Variants in KXD1 observed in about 807,000 individuals in gnomAD.
KXD1 encodes KxDL motif containing 1.
A neutral mutation model predicts 12.1 loss-of-function variants in KXD1; 5 were observed. That is an observed-to-expected ratio of 0.41 (90% CI 0.22 to 0.87). KXD1 has a LOEUF of 0.87. KXD1 is among the 40% of genes least tolerant of loss of function. KXD1 has a pLI of 0.31. For missense variants in KXD1, 193 were observed against 244.9 expected (o/e 0.79, Z 1.41); for synonymous variants, 98 against 100.5 (o/e 0.98, Z 0.15).
At chr19:18,563,015 G>A (rs1385327432) in intron 2 of KXD1, among the ~76,000 whole-genome samples, 1 of 152,236 alleles carries the variant, frequency 6.6e-6, no homozygotes, top group Non-Finnish European at 1.5e-5. Flanking sequence ...ACACAAATTC[G>A]TAAACTTTCT....
At chr19:18,568,265 C>CAAAA (rs397859705) in intron 4 of KXD1, 137 bp from the exon 5 acceptor site, 4 of 498,602 alleles carry the variant, frequency 8.0e-6, no homozygotes, top group East Asian at 3.2e-5. Flanking sequence ...AACTCCGTCT[C>CAAAA]AAAAAAAAAA....
chr19:18,568,642 C>T lies in KXD1; in HGVS notation c.*11C>T, dbSNP rs578141575. 4.0e-5 allele frequency: 64 copies of T among 1,599,620 alleles called. No individual in the cohort carries two copies. The highest frequency in any genetic ancestry group is 4.0e-4 in the South Asian group (36 of 90,774). Reference sequence around the variant, plus strand: ...ATGACGGGCGAATAGCCCTGCTGCCCGGTGCCTTGAGGGGGTCTCAGGGCA... The same window carrying T: ...ATGACGGGCGAATAGCCCTGCTGCCTGGTGCCTTGAGGGGGTCTCAGGGCA... On this transcript the variant is annotated 3_prime_UTR_variant, in exon 5 of 5. Transcript: ENST00000222307.
intron 4 of KXD1, 42 bp from the exon 5 acceptor site, chr19:18,568,360 T>A: frequency 6.8e-7 from 1 of 1,467,698 alleles, no homozygotes; most frequent in Non-Finnish European, 9.5e-7. Flanking sequence ...TCACAGAGCT[T>A]GGCAAGGTGA....
rs572485743 is a variant in KXD1 at position 18,561,065 on chromosome 19, T to G, written c.-21-971T>G. ...ACAGGCAAACGGGTTAGCTGATAACTAGGATAATTTCATGAAGAGGTGAAC... is the reference window on the plus strand; with the variant it reads ...ACAGGCAAACGGGTTAGCTGATAACGAGGATAATTTCATGAAGAGGTGAAC... On this transcript the variant is annotated intron_variant, in intron 1 of 4. Coordinates refer to ENST00000222307, the MANE Select transcript of KXD1 (RefSeq NM_024069.4). Among the ~76,000 whole-genome samples, 6 of 151,942 alleles carry G rather than the reference T, an allele frequency of 3.9e-5. No individual in the cohort carries two copies. The East Asian group carries it at 1.2e-3, about 30-fold the overall frequency.
At chr19:18,563,657 C>G (rs1312104629) in intron 2 of KXD1, among the ~76,000 whole-genome samples, 1 of 152,134 alleles carries the variant, frequency 6.6e-6, no homozygotes, top group Non-Finnish European at 1.5e-5. Context: ...GTGTGCGCCA[C>G]CACGGCCAGC....
intron 2 of KXD1, 90 bp downstream of exon 2, chr19:18,562,247 C>A: frequency 1.1e-6 from 1 of 935,476 alleles, no homozygotes; most frequent in South Asian, 1.6e-5. Context: ...GGGGCCCACA[C>A]TGGTGATAAA....
At position 18,568,577 on chromosome 19, in the gene KXD1, C is replaced by A. The variant is rs371136337; in HGVS notation, c.477C>A (p.Ser159=). The part of the protein sequence containing the change: ...FEDLSHVQPG[S]PAINGRSQTD... Reference sequence around the variant, plus strand: ...ACCTGTCCCATGTCCAGCCTGGCTCCCCAGCCATCAACGGCCGCAGCCAGA... The same window carrying A: ...ACCTGTCCCATGTCCAGCCTGGCTCACCAGCCATCAACGGCCGCAGCCAGA... Residue 159 remains serine, a synonymous_variant, in exon 5 of 5, where the codon TCC becomes TCA. Coordinates refer to ENST00000222307, the MANE Select transcript of KXD1 (RefSeq NM_024069.4). 9.3e-6 allele frequency: 15 copies of A among 1,613,268 alleles called. No homozygotes were observed. Among genetic ancestry groups the A allele is most frequent in the Non-Finnish European group, 1.3e-5 (15 of 1,179,952 alleles).
intron 1 of KXD1, chr19:18,559,279 G>A (rs1410867318): frequency 3.3e-5 from 5 of 152,038 alleles, no homozygotes; most frequent in East Asian, 3.9e-4. Flanking sequence ...ATGAGCACCC[G>A]GTCCAGGTAT....
At chr19:18,562,274 A>C in intron 2 of KXD1, 117 bp downstream of exon 2, 4 of 715,646 alleles carry the variant, frequency 5.6e-6, no homozygotes, top group Non-Finnish European at 9.1e-6. Context: ...GAAATGAGCA[A>C]ATCTGTCGCT....
rs537003082 is a variant in KXD1 at position 18,563,660 on chromosome 19, C to T, written c.102-1209C>T. ...CTGGGACTACAGGTGTGCGCCACCACGGCCAGCTAATTTTTGTATTTTTAG... is the reference window on the plus strand; with the variant it reads ...CTGGGACTACAGGTGTGCGCCACCATGGCCAGCTAATTTTTGTATTTTTAG... On this transcript the variant is annotated intron_variant, in intron 2 of 4. Coordinates refer to ENST00000222307, the MANE Select transcript of KXD1 (RefSeq NM_024069.4). Among the ~76,000 whole-genome samples, 79 of 152,052 alleles carry T rather than the reference C, an allele frequency of 5.2e-4. 4 individuals carry two copies. The South Asian group carries it at 0.015, about 30-fold the overall frequency.
Position 18,568,452 on chromosome 19 carries a change from C to T in KXD1, c.352C>T (p.Pro118Ser). The T allele has an allele frequency of 6.2e-7, 1 of 1,614,068 alleles. No individual in the cohort carries two copies. The change falls in exon 5 of 5, where the codon CCC becomes TCC. Residue 118 changes from proline to serine, a missense_variant. Pro to Ser is a moderately conservative substitution (Grantham distance 74). Coordinates refer to ENST00000222307, the MANE Select transcript of KXD1 (RefSeq NM_024069.4). Reference sequence around the variant, plus strand: ...GGAAGAGGATGAAGACCCCATCCCACCCAGCACCACGACCACCATTGCCAC... The same window carrying T: ...GGAAGAGGATGAAGACCCCATCCCATCCAGCACCACGACCACCATTGCCAC... The part of the protein sequence containing the change: ...LEEEDEDPIP[P>S]STTTTIATSE...
intron 2 of KXD1, among the ~76,000 whole-genome samples, chr19:18,562,708 C>T (rs570999011): frequency 1.3e-5 from 2 of 152,226 alleles, no homozygotes; most frequent in African/African-American, 2.4e-5. Context: ...GTGATCCACC[C>T]GCCTCGGCCT....
intron 2 of KXD1, among the ~76,000 whole-genome samples, chr19:18,563,378 A>C (rs1600572212): frequency 5.3e-5 from 7 of 133,072 alleles, no homozygotes; most frequent in South Asian, 2.3e-4. Flanking sequence ...ACAGAGTCTC[A>C]CTCTGTCGCC....
chr19:18,558,200 G>C (rs1976996869), intron 1 of KXD1: 1 of 152,412 alleles, frequency 6.6e-6, no homozygotes, highest in African/African-American at 2.4e-5. Flanking sequence ...GCGTTGCCCG[G>C]TTTGTGCCTC....
intron 1 of KXD1, chr19:18,558,225 G>A (rs1976997149): frequency 6.6e-6 from 1 of 152,366 alleles, no homozygotes; most frequent in African/African-American, 2.4e-5. Context: ...TCCCTGTATT[G>A]TAGGGGACGG....
chr19:18,562,195 T>C, intron 2 of KXD1, 38 bp downstream of exon 2: 1 of 1,485,134 alleles, frequency 6.7e-7, no homozygotes, highest in Non-Finnish European at 9.2e-7. Flanking sequence ...TGGGAAGGAA[T>C]CCACAGGCTG....
intron 1 of KXD1, 51 bp from the exon 2 acceptor site, chr19:18,561,985 C>T (rs1974936389): frequency 3.9e-6 from 5 of 1,272,078 alleles, no homozygotes; most frequent in South Asian, 1.4e-5. Context: ...GCCTCTTGGT[C>T]CCACCTCACC....
rs562161688 is a variant in KXD1 at position 18,567,690 on chromosome 19, C to T, written c.301+512C>T. On this transcript the variant is annotated intron_variant, in intron 4 of 4. Coordinates refer to ENST00000222307, the MANE Select transcript of KXD1 (RefSeq NM_024069.4). ...CTCGCGTGTTCTCTGGGGTACCATT[C>T]CATGTTGCCACCACCTTAAAGGGCT... is the stretch of plus-strand genomic sequence containing the variant. Among the ~76,000 whole-genome samples, 7 of 152,330 alleles carry T rather than the reference C, an allele frequency of 4.6e-5. No individual in the cohort carries two copies. The East Asian group carries it at 1.3e-3, about 29-fold the overall frequency.
At chr19:18,562,236 C>A in intron 2 of KXD1, 79 bp downstream of exon 2, 1 of 1,041,914 alleles carries the variant, frequency 9.6e-7, no homozygotes, top group Non-Finnish European at 1.4e-6. Context: ...CGCCCCTACC[C>A]GGGGCCCACA....
Sources: allele counts gnomAD v4.1 joint callset (sites outside exome capture counted in the v4.1 genomes callset), GRCh38; gene constraint gnomAD v4.1.1; transcripts MANE v1.5; gene names NCBI Gene and HGNC (gene_info 2026-07-23, HGNC 2026-07-21).